The following GRM7 variants were observed in gnomAD, a reference collection of about 807,000 sequenced individuals.
GRM7 encodes metabotropic glutamate receptor 7.
A neutral mutation model predicts 84.5 loss-of-function variants in GRM7; 35 were observed. The ratio of observed to expected loss-of-function variants is 0.41; its 90% CI spans 0.32 to 0.55. The LOEUF (loss-of-function observed/expected upper bound fraction) is 0.55. Among genes scored for constraint, GRM7 ranks in the 20% least tolerant of loss-of-function variants. The probability of loss-of-function intolerance (pLI) is 0.19; values close to 1 mark genes in which losing one functional copy is unlikely to be tolerated. For missense variants in GRM7, 1,003 were observed against 1,194.6 expected (o/e 0.84, Z 2.36); for synonymous variants, 487 against 455.1 (o/e 1.07, Z -0.89).
rs557455869 is a variant in GRM7, at chr3:7,517,110, T to G, written c.1515+55388T>G. On this transcript the variant is annotated intron_variant, in intron 7 of 9. Coordinates refer to ENST00000357716, the MANE Select transcript of GRM7 (RefSeq NM_000844.4). ...TCTTGGAATCATGTTCACGAGGTAATAAACAGGAGAAAGTGGACAAGTCAA... is the reference window on the plus strand; with the variant it reads ...TCTTGGAATCATGTTCACGAGGTAAGAAACAGGAGAAAGTGGACAAGTCAA... 2.1e-4 allele frequency among the ~76,000 whole-genome samples: 32 copies of G among 152,256 alleles called. No individual in the cohort carries two copies. In the South Asian group the frequency reaches 6.2e-3, roughly 30 times the overall value.
chr3:6,909,032 A>C (rs1696678115), intron 1 of GRM7, among the ~76,000 whole-genome samples: 1 of 152,148 alleles, frequency 6.6e-6, no homozygotes, highest in South Asian at 2.1e-4. Flanking sequence ...CCAGGAAAGA[A>C]AGTTGCATAA....
At chr3:7,157,636 T>C (rs1198096088) in intron 2 of GRM7, among the ~76,000 whole-genome samples, 1 of 152,122 alleles carries the variant, frequency 6.6e-6, no homozygotes, top group African/African-American at 2.4e-5. Context: ...ATCTGTGATA[T>C]GGTTAAGAGT....
intron 7 of GRM7, among the ~76,000 whole-genome samples, chr3:7,494,935 G>A (rs983979168): frequency 6.6e-6 from 1 of 152,120 alleles, no homozygotes; most frequent in South Asian, 2.1e-4. Context: ...ATTTGTTTCA[G>A]TATTGGCATC....
intron 8 of GRM7, among the ~76,000 whole-genome samples, chr3:7,664,171 A>C (rs1206018358): frequency 6.6e-6 from 1 of 152,194 alleles, no homozygotes; most frequent in South Asian, 2.1e-4. Context: ...CCAAGATGAG[A>C]GTCCTCTTTC....
At chr3:7,295,827 T>TGG (rs139759346) in intron 2 of GRM7, among the ~76,000 whole-genome samples, 153 of 150,860 alleles carry the variant, frequency 1.0e-3, no homozygotes, top group Non-Finnish European at 1.2e-3. Context: ...AGCTTTTTTT[T>TGG]GGGGGGGGGA....
intron 8 of GRM7, among the ~76,000 whole-genome samples, chr3:7,655,328 A>G (rs923348954): frequency 2.0e-5 from 3 of 152,316 alleles, no homozygotes; most frequent in Non-Finnish European, 2.9e-5. Flanking sequence ...ATGTCTAACA[A>G]CCCAAGGTTC....
chr3:7,739,846 T>C (rs949131406), intron 9 of GRM7, among the ~76,000 whole-genome samples: 3 of 152,232 alleles, frequency 2.0e-5, no homozygotes, highest in African/African-American at 7.2e-5. Context: ...TGACCATTTA[T>C]AACTTACAGT....
intron 4 of GRM7, among the ~76,000 whole-genome samples, chr3:7,413,011 A>C (rs1005930304): frequency 6.6e-6 from 1 of 151,582 alleles, no homozygotes; most frequent in East Asian, 1.9e-4. Flanking sequence ...CACACACATA[A>C]TTATATTAAT....
chr3:7,229,759 A>ATTTTTTTTTTT (rs1200808989), intron 2 of GRM7, among the ~76,000 whole-genome samples: 1 of 30,436 alleles, frequency 3.3e-5, no homozygotes, highest in African/African-American at 1.3e-4. Flanking sequence ...ATATATATAT[A>ATTTTTTTTTTT]TTTTTTTTTT....
At chr3:6,986,898 A>C (rs112104906) in intron 1 of GRM7, among the ~76,000 whole-genome samples, 2,538 of 152,320 alleles carry the variant, frequency 0.017, 44 homozygotes, top group Admixed American at 0.033. Flanking sequence ...AGCTATCAGC[A>C]TAGTACCTGT....
chr3:6,936,494 A>G (rs1697698977), intron 1 of GRM7, among the ~76,000 whole-genome samples: 1 of 151,832 alleles, frequency 6.6e-6, no homozygotes, highest in South Asian at 2.1e-4. Context: ...TATTCCTCAT[A>G]TCTGCTACTC....
At chr3:6,991,744 A>G (rs1442140177) in intron 1 of GRM7, among the ~76,000 whole-genome samples, 1 of 152,248 alleles carries the variant, frequency 6.6e-6, no homozygotes, top group East Asian at 1.9e-4. Flanking sequence ...TAACACATCC[A>G]TTCTGTTAGT....
intron 2 of GRM7, among the ~76,000 whole-genome samples, chr3:7,190,956 C>T (rs1030043715): frequency 6.6e-6 from 1 of 152,144 alleles, no homozygotes; most frequent in Non-Finnish European, 1.5e-5. Context: ...CTCCACCTTA[C>T]ATAAATATAT....
intron 3 of GRM7, among the ~76,000 whole-genome samples, chr3:7,299,431 G>A (rs1212320474): frequency 6.6e-6 from 1 of 152,068 alleles, no homozygotes; most frequent in Non-Finnish European, 1.5e-5. Context: ...CTGGTCCGGA[G>A]TCCTTATTTT....
At chr3:7,631,298 T>C (rs1024888566) in intron 8 of GRM7, among the ~76,000 whole-genome samples, 1 of 152,262 alleles carries the variant, frequency 6.6e-6, no homozygotes, top group South Asian at 2.1e-4. Context: ...AGAGGGACAC[T>C]TGGTGCCTCG....
chr3:6,912,223 G>A (rs1696795244), intron 1 of GRM7, among the ~76,000 whole-genome samples: 1 of 152,142 alleles, frequency 6.6e-6, no homozygotes, highest in African/African-American at 2.4e-5. Flanking sequence ...GGGAAATGCT[G>A]CATTAGATAA....
Position 6,894,197 on chromosome 3 carries a change from T to C in GRM7, c.519+32290T>C, listed in dbSNP as rs527723627. On this transcript the variant is annotated intron_variant, in intron 1 of 9. Transcript: ENST00000357716. ...CACCTAGTTCATTTCTCTCTGCTTTTCCCCCTTGTTACATTGAGATTAAAA... is the reference window on the plus strand; with the variant it reads ...CACCTAGTTCATTTCTCTCTGCTTTCCCCCCTTGTTACATTGAGATTAAAA... Among the ~76,000 whole-genome samples, 25 of 152,266 alleles carry C rather than the reference T, an allele frequency of 1.6e-4. 1 individual carries two copies. In the South Asian group the frequency reaches 5.2e-3, roughly 32 times the overall value.
At chr3:6,943,134 G>T (rs1312142644) in intron 1 of GRM7, among the ~76,000 whole-genome samples, 1 of 151,972 alleles carries the variant, frequency 6.6e-6, no homozygotes, top group Non-Finnish European at 1.5e-5. Flanking sequence ...CACATACATT[G>T]AAGTTGTTTT....
At chr3:7,185,307 G>C (rs867658864) in intron 2 of GRM7, among the ~76,000 whole-genome samples, 5 of 152,154 alleles carry the variant, frequency 3.3e-5, no homozygotes, top group African/African-American at 1.2e-4. Context: ...GCCAACGAGA[G>C]TTGAGAAGTG....
Sources: allele counts gnomAD v4.1 joint callset (sites outside exome capture counted in the v4.1 genomes callset), GRCh38; gene constraint gnomAD v4.1.1; transcripts MANE v1.5; gene names NCBI Gene and HGNC (gene_info 2026-07-23, HGNC 2026-07-21).